Variants in MRC2 observed in about 807,000 individuals in gnomAD.
The protein encoded by MRC2 is C-type mannose receptor 2.
In MRC2, 84 loss-of-function variants were observed where a neutral mutation model predicts 206.2. The observed-to-expected ratio is 0.41, with a 90% CI of 0.34 to 0.49. The LOEUF is 0.49. Ranked by LOEUF, MRC2 falls within the 20% of genes least tolerant of loss-of-function variation. The pLI is 0.31. For synonymous variants in MRC2, 798 were observed against 800.0 expected, an observed-to-expected ratio of 1.00 and a Z score of 0.04; for missense variants, 1,676 against 2,001.5, an observed-to-expected ratio of 0.84 and a Z score of 3.10.
At position 62,645,525 on chromosome 17, in the gene MRC2, A is replaced by ATTT. The variant is rs1181105850; in HGVS notation, c.118+17606_118+17607insTTT. On this transcript the variant is annotated intron_variant, in intron 1 of 29. Transcript: ENST00000303375. Reference sequence around the variant, plus strand: ...TATATATATATATATATATATATATATATTTTTTTTTTTTTTTTTTTTTTT... The same window carrying ATTT: ...TATATATATATATATATATATATATATTTTATTTTTTTTTTTTTTTTTTTTTTT... Among the ~76,000 whole-genome samples the ATTT allele has an allele frequency of 6.9e-3, 268 of 38,588 alleles. 4 individuals carry two copies. Among genetic ancestry groups the ATTT allele is most frequent in the Non-Finnish European group, 0.011 (219 of 20,676 alleles). The allele number at this position is 38,588 out of a possible 152,430, so 25.3% of individuals were successfully genotyped here.
chr17:62,676,697 A>G (rs1322354381), intron 11 of MRC2, 166 bp downstream of exon 11: 1 of 745,024 alleles, frequency 1.3e-6, no homozygotes, highest in Non-Finnish European at 2.0e-6. Flanking sequence ...GGCTCCGATC[A>G]TGACTCTGCC....
chr17:62,673,284 G>A (rs2147473524), intron 8 of MRC2, among the ~76,000 whole-genome samples: 2 of 152,254 alleles, frequency 1.3e-5, no homozygotes, highest in South Asian at 4.2e-4. Context: ...TGGGGAGGGC[G>A]AAGACAGAAG....
intron 20 of MRC2, among the ~76,000 whole-genome samples, chr17:62,687,200 G>A (rs1217375596): frequency 6.6e-6 from 1 of 151,800 alleles, no homozygotes; most frequent in Admixed American, 6.6e-5. Context: ...CGCTCTTGTT[G>A]CCCAGGCTGG....
chr17:62,681,786 G>A (rs2088969145), intron 18 of MRC2, 51 bp from the exon 19 acceptor site: 1 of 1,438,724 alleles, frequency 7.0e-7, no homozygotes. Context: ...ATCCGGTGGA[G>A]GCCCAGCTGG....
chr17:62,685,373 T>C (rs1441249163), intron 20 of MRC2, among the ~76,000 whole-genome samples: 1 of 152,240 alleles, frequency 6.6e-6, no homozygotes, highest in Non-Finnish European at 1.5e-5. Flanking sequence ...CTTCTTTCTC[T>C]GTATCATATT....
intron 6 of MRC2, among the ~76,000 whole-genome samples, chr17:62,670,632 A>T (rs1286800241): frequency 6.6e-6 from 1 of 152,230 alleles, no homozygotes; most frequent in Non-Finnish European, 1.5e-5. Context: ...AACCCCTAGA[A>T]GGTGAACCTG....
At position 62,644,128 on chromosome 17, in the gene MRC2, A is replaced by G. The variant is rs145252583; in HGVS notation, c.118+16208A>G. On this transcript the variant is annotated intron_variant, in intron 1 of 29. Coordinates refer to ENST00000303375, the MANE Select transcript of MRC2 (RefSeq NM_006039.5). The stretch of plus-strand genomic sequence containing the variant: ...TAGATGAAATTTTTCTGTTTTAAAC[A>G]TGTCTGGAGGCTGGGTGTGGTGACT... 1.0e-3 allele frequency among the ~76,000 whole-genome samples: 155 copies of G among 152,304 alleles called. 1 individual carries two copies. Among genetic ancestry groups the G allele is most frequent in the African/African-American group, 3.4e-3 (143 of 41,586 alleles).
intron 1 of MRC2, among the ~76,000 whole-genome samples, chr17:62,628,600 A>C (rs1568044332): frequency 6.6e-6 from 1 of 152,208 alleles, no homozygotes. Context: ...CTCTGGGCAC[A>C]CTAGTGGCCC....
chr17:62,689,928 C>G lies in MRC2; in HGVS notation c.3608C>G (p.Pro1203Arg). The G allele has an allele frequency of 6.2e-7, 1 of 1,606,752 alleles. No homozygotes were observed. Among genetic ancestry groups the G allele is most frequent in the Non-Finnish European group, 8.5e-7 (1 of 1,177,664 alleles). ...SRRYSWVSEE[P>R]LNYVGWQDGE... ...CGGTACTCCTGGGTCTCAGAGGAGC[C>G]GCTGAACTACGTGGGCTGGCAGGAC... The change falls in exon 25 of 30, where the codon CCG (proline) becomes CGG (arginine). Residue 1203 changes from proline (P) to arginine (R), a missense_variant. Coordinates refer to ENST00000303375, the MANE Select transcript of MRC2 (RefSeq NM_006039.5).
intron 1 of MRC2, among the ~76,000 whole-genome samples, chr17:62,631,228 C>A (rs1415431538): frequency 1.3e-5 from 2 of 152,086 alleles, no homozygotes; most frequent in Non-Finnish European, 1.5e-5. Flanking sequence ...GTCCATACCC[C>A]CAGAGGGATG....
Position 62,667,618 on chromosome 17 carries a change from C to T in MRC2, c.1117+85C>T, listed in dbSNP as rs1439895662. ...CAGAGCCGTGGCAGGCCCAGCCTCTCCTCCGGTTACCACCACAGCACAAGG... is the reference window on the plus strand; with the variant it reads ...CAGAGCCGTGGCAGGCCCAGCCTCTTCTCCGGTTACCACCACAGCACAAGG... On this transcript the variant is annotated intron_variant, in intron 6 of 29. Transcript: ENST00000303375. This position sits in a 1 kb window ranked among gnomAD's most constrained non-coding sequence, Gnocchi z 4.1. The T allele has an allele frequency of 7.0e-7, 1 of 1,438,074 alleles. No individual in the cohort carries two copies. Among genetic ancestry groups the T allele is most frequent in the Non-Finnish European group, 9.3e-7 (1 of 1,080,956 alleles). The allele number at this position is 1,438,074 out of a possible 1,614,324, so 89.1% of individuals were successfully genotyped here. A position where few individuals can be genotyped will look rare whatever the true frequency, so the allele number is the denominator to read the frequency against.
intron 28 of MRC2, 119 bp from the exon 29 acceptor site, chr17:62,691,993 A>G: frequency 7.6e-7 from 1 of 1,311,286 alleles, no homozygotes; most frequent in Admixed American, 1.9e-5. Flanking sequence ...GGGAGGGGGA[A>G]CTAGAGCCTC....
chr17:62,664,925 G>A lies in MRC2; in HGVS notation c.496G>A (p.Asp166Asn), dbSNP rs1486082765. 1 of 1,610,628 alleles carries A rather than the reference G, an allele frequency of 6.2e-7. No homozygotes were observed. The highest frequency in any genetic ancestry group is 8.5e-7 in the Non-Finnish European group (1 of 1,179,660). ...GQWRIYGSEE[D>N]LCALPYHEVY... ...GTGGCGCATCTACGGCAGCGAGGAG[G>A]ACCTATGTGCTCTGCCCTACCACGG... The change falls in exon 2 of 30, where the codon GAC (aspartate) becomes AAC (asparagine). Residue 166 changes from aspartate to asparagine, a missense_variant. Around this residue, in one of 3 missense-constraint regions of MRC2, gnomAD observed 318 missense variants for 346.7 expected, o/e 0.92. Transcript: ENST00000303375. The surrounding 1 kb of genome is among the most constrained non-coding windows in gnomAD (Gnocchi z 4.7).
intron 20 of MRC2, 99 bp from the exon 21 acceptor site, chr17:62,688,190 G>C: frequency 3.0e-6 from 3 of 989,820 alleles, no homozygotes; most frequent in South Asian, 3.0e-5. Flanking sequence ...GCCCTCAAAG[G>C]CCCCCCAGGA....
rs866782932 is a variant in MRC2 at position 62,681,881 on chromosome 17, G to T, written c.2747G>T (p.Gly916Val). Reference protein sequence around the residue: ...SIINFISWAPGKPRPVGKDKK... With the variant: ...SIINFISWAPVKPRPVGKDKK... Reference sequence around the variant, plus strand: ...ATAAACTTCATCTCCTGGGCACCAGGCAAACCTCGGCCTGTCGGCAAGGAC... The same window carrying T: ...ATAAACTTCATCTCCTGGGCACCAGTCAAACCTCGGCCTGTCGGCAAGGAC... The change falls in exon 19 of 30, where the codon GGC (glycine) becomes GTC (valine). Residue 916 changes from glycine (G) to valine (V), a missense_variant. Around this residue, in one of 3 missense-constraint regions of MRC2, gnomAD observed 1,354 missense variants for 1,636.6 expected, o/e 0.83. Coordinates refer to ENST00000303375, the MANE Select transcript of MRC2 (RefSeq NM_006039.5). The T allele has an allele frequency of 6.2e-7, 1 of 1,613,886 alleles. No homozygotes were observed. Among genetic ancestry groups the T allele is most frequent in the Admixed American group, 1.7e-5 (1 of 59,976 alleles).
intron 1 of MRC2, among the ~76,000 whole-genome samples, chr17:62,650,896 A>G (rs570954662): frequency 2.0e-5 from 3 of 152,268 alleles, no homozygotes; most frequent in Admixed American, 2.0e-4. Context: ...CTAGAGAAGC[A>G]AATACTGGCA....
At chr17:62,673,802 G>A (rs764969064) in intron 8 of MRC2, among the ~76,000 whole-genome samples, 22 of 152,036 alleles carry the variant, frequency 1.4e-4, no homozygotes, top group Non-Finnish European at 2.6e-4. Flanking sequence ...GAGCCACCGC[G>A]CCGGGCCAGG....
At chr17:62,678,080 A>G (rs1321179718) in intron 12 of MRC2, among the ~76,000 whole-genome samples, 1 of 152,160 alleles carries the variant, frequency 6.6e-6, no homozygotes, top group African/African-American at 2.4e-5. Context: ...ATAAAGATAA[A>G]AATCTAGGCT....
At chr17:62,669,468 G>A (rs2088799046) in intron 6 of MRC2, among the ~76,000 whole-genome samples, 2 of 151,886 alleles carry the variant, frequency 1.3e-5, no homozygotes, top group South Asian at 2.1e-4. Flanking sequence ...TGCCCACCTC[G>A]GCCTCCCAAA....
Sources: allele counts gnomAD v4.1 joint callset (sites outside exome capture counted in the v4.1 genomes callset), GRCh38; gene constraint gnomAD v4.1.1; regional missense constraint gnomAD v4.1.1; non-coding constraint Gnocchi (gnomAD v3.1); transcripts MANE v1.5; gene names NCBI Gene and HGNC (gene_info 2026-07-23, HGNC 2026-07-21).